UBE2O: variants seen among roughly 807,000 people sequenced by gnomAD.
UBE2O encodes the protein ubiquitin conjugating enzyme E2 O.
A neutral mutation model predicts 125.8 loss-of-function variants in UBE2O; 15 were observed. The ratio of observed to expected loss-of-function variants is 0.12; its 90% CI spans 0.08 to 0.18. The LOEUF (loss-of-function observed/expected upper bound fraction) is 0.18, where lower values mean the gene tolerates loss of function less well. Ranked by LOEUF, UBE2O falls within the 10% of genes least tolerant of loss-of-function variation. The pLI is 1.00. For synonymous variants in UBE2O, 708 were observed against 703.2 expected (o/e 1.01, Z -0.11); for missense variants, 1,280 against 1,723.6 (o/e 0.74, Z 4.56).
intron 1 of UBE2O, among the ~76,000 whole-genome samples, chr17:76,424,044 A>C (rs1333205366): frequency 6.6e-6 from 1 of 151,194 alleles, no homozygotes; most frequent in East Asian, 2.0e-4. Flanking sequence ...AGTAGCTGGG[A>C]CTACAGGCCC....
chr17:76,398,719 C>A lies in UBE2O; in HGVS notation c.1783+118G>T. 6.8e-7 allele frequency: 1 copy of A among 1,473,998 alleles called. No homozygotes were observed. Among genetic ancestry groups the A allele is most frequent in the East Asian group, 2.3e-5 (1 of 44,076 alleles). 91.3% of individuals were successfully genotyped at this position (1,473,998 alleles called of 1,614,324 possible). A position where few individuals can be genotyped will look rare whatever the true frequency, so the allele number is the denominator to read the frequency against. On this transcript the variant is annotated intron_variant, in intron 10 of 17. Transcript: ENST00000319380. This position sits in a 1 kb window ranked among gnomAD's most constrained non-coding sequence, Gnocchi z 5.4. ...GGTGAGACCCCTTCATGAGGGCAGT[C>A]CCCTTCTGGACCTCATTTTAGCTCT...
At position 76,391,193 on chromosome 17, in the gene UBE2O, G is replaced by A; in HGVS notation, c.3629C>T (p.Ser1210Leu). Residue 1210 changes from serine to leucine, a missense_variant, in exon 18 of 18, where the codon TCA (serine) becomes TTA (leucine). Coordinates refer to ENST00000319380, the MANE Select transcript of UBE2O (RefSeq NM_022066.4). This position sits in a 1 kb window ranked among gnomAD's most constrained non-coding sequence, Gnocchi z 8.4. Reference sequence around the variant, plus strand: ...CTGGTCTGTGTGGTCCCTGCTAGCTGAGGCCAGGCCCTGGGCACCGCCCTC... The same window carrying A: ...CTGGTCTGTGTGGTCCCTGCTAGCTAAGGCCAGGCCCTGGGCACCGCCCTC... ...DSEGGAQGLA[S>L]ASRDHTDQTS... The A allele has an allele frequency of 6.2e-7, 1 of 1,613,234 alleles. No homozygotes were observed. Among genetic ancestry groups the A allele is most frequent in the Non-Finnish European group, 8.5e-7 (1 of 1,179,424 alleles).
Position 76,402,254 on chromosome 17 carries a change from G to T in UBE2O, c.687-127C>A. 1 of 821,772 alleles carries T rather than the reference G, an allele frequency of 1.2e-6. No individual in the cohort carries two copies. Among genetic ancestry groups the T allele is most frequent in the South Asian group, 1.7e-5 (1 of 57,656 alleles). The allele number at this position is 821,772 out of a possible 1,614,324, so 50.9% of individuals were successfully genotyped here. On this transcript the variant is annotated intron_variant, in intron 4 of 17. Transcript: ENST00000319380. This position sits in a 1 kb window ranked among gnomAD's most constrained non-coding sequence, Gnocchi z 5.4. ...CAATTCGTCTTCTACCATCAACTCA[G>T]CCCGAGGTAGTACAAGAAACTCTCC...
intron 15 of UBE2O, among the ~76,000 whole-genome samples, chr17:76,394,880 A>AT (rs200705112): frequency 0.24 from 35,550 of 147,990 alleles, 4,476 homozygotes; most frequent in East Asian, 0.49. Flanking sequence ...TTTCAAAGTA[A>AT]TTTTTTTTTT....
Position 76,391,177 on chromosome 17 carries a change from G to A in UBE2O, c.3645C>T (p.His1215=). 6.2e-7 allele frequency: 1 copy of A among 1,613,456 alleles called. No homozygotes were observed. Among genetic ancestry groups the A allele is most frequent in the Non-Finnish European group, 8.5e-7 (1 of 1,179,626 alleles). The change falls in exon 18 of 18, where the codon CAC becomes CAT. Residue 1215 remains histidine, a synonymous_variant. Coordinates refer to ENST00000319380, the MANE Select transcript of UBE2O (RefSeq NM_022066.4). The surrounding 1 kb of genome is among the most constrained non-coding windows in gnomAD (Gnocchi z 8.4). The part of the protein sequence containing the change: ...AQGLASASRD[H]TDQTSETAPD... ...GTGCGGTCTCCGAAGTCTGGTCTGT[G>A]TGGTCCCTGCTAGCTGAGGCCAGGC...
intron 5 of UBE2O, 159 bp downstream of exon 5, chr17:76,401,894 AAGTTCTAATAC>A: frequency 2.3e-6 from 1 of 435,020 alleles, no homozygotes; most frequent in Non-Finnish European, 4.0e-6. Context: ...AAAAAAAAAA[AAGTTCTAATAC>A]TTTCTGCCTA....
chr17:76,394,653 T>C (rs1031025536), intron 15 of UBE2O, among the ~76,000 whole-genome samples: 1 of 152,090 alleles, frequency 6.6e-6, no homozygotes, highest in Non-Finnish European at 1.5e-5. Context: ...GTATAAATAA[T>C]GTAAAAGTAT....
At position 76,391,191 on chromosome 17, in the gene UBE2O, C is replaced by A. The variant is rs2143656996; in HGVS notation, c.3631G>T (p.Ala1211Ser). ...GTCTGGTCTGTGTGGTCCCTGCTAG[C>A]TGAGGCCAGGCCCTGGGCACCGCCC... ...SEGGAQGLAS[A>S]SRDHTDQTSE... Residue 1211 changes from alanine (A) to serine (S), a missense_variant, in exon 18 of 18, where the codon GCT (alanine) becomes TCT (serine). This residue lies in a region of UBE2O where 233 missense variants were observed against 279.0 expected (regional missense o/e 0.84). Coordinates refer to ENST00000319380, the MANE Select transcript of UBE2O (RefSeq NM_022066.4). This position sits in a 1 kb window ranked among gnomAD's most constrained non-coding sequence, Gnocchi z 8.4. The A allele has an allele frequency of 6.2e-7, 1 of 1,613,088 alleles. No individual in the cohort carries two copies. Among genetic ancestry groups the A allele is most frequent in the East Asian group, 2.2e-5 (1 of 44,858 alleles).
intron 1 of UBE2O, among the ~76,000 whole-genome samples, chr17:76,436,557 G>A (rs1056218373): frequency 3.3e-5 from 5 of 152,004 alleles, no homozygotes; most frequent in Non-Finnish European, 5.9e-5. Context: ...CTGAATCCCC[G>A]AGAGCCTAGA....
rs569353305 is a variant in UBE2O, at chr17:76,393,179, C to A, written c.2947-1066G>T. Among the ~76,000 whole-genome samples, 16 of 151,684 alleles carry A rather than the reference C, an allele frequency of 1.1e-4. No individual in the cohort carries two copies. In the South Asian group the frequency reaches 3.1e-3, roughly 30 times the overall value. ...AAGCTTAGATGGGAGGATCACTTGACTCCAGGAGGCTGAGGCTGCAGTGAG... is the reference window on the plus strand; with the variant it reads ...AAGCTTAGATGGGAGGATCACTTGAATCCAGGAGGCTGAGGCTGCAGTGAG... On this transcript the variant is annotated intron_variant, in intron 15 of 17. Coordinates refer to ENST00000319380, the MANE Select transcript of UBE2O (RefSeq NM_022066.4).
chr17:76,435,559 C>T (rs551014207), intron 1 of UBE2O, among the ~76,000 whole-genome samples: 19 of 152,128 alleles, frequency 1.2e-4, no homozygotes, highest in African/African-American at 3.6e-4. Context: ...GGGAAACAGA[C>T]GCAGAGCTAA....
chr17:76,440,709 G>C lies in UBE2O; in HGVS notation c.417+12016C>G, dbSNP rs116252102. Among the ~76,000 whole-genome samples, 560 of 152,292 alleles carry C rather than the reference G, an allele frequency of 3.7e-3. 5 individuals carry two copies. The highest frequency in any genetic ancestry group is 0.013 in the African/African-American group (531 of 41,560). On this transcript the variant is annotated intron_variant, in intron 1 of 17. Coordinates refer to ENST00000319380, the MANE Select transcript of UBE2O (RefSeq NM_022066.4). The stretch of plus-strand genomic sequence containing the variant: ...CCAGAGCAGAGGTGGGAAAACTACA[G>C]CCTGCAGGTCATGTCCAGCCTACTG...
In UBE2O at chr17:76,399,690, A is replaced by G; in HGVS notation, c.1387T>C (p.Phe463Leu). The G allele has an allele frequency of 6.2e-7, 1 of 1,614,094 alleles. No individual in the cohort carries two copies. Among genetic ancestry groups the G allele is most frequent in the Non-Finnish European group, 8.5e-7 (1 of 1,180,032 alleles). Residue 463 changes from phenylalanine (F) to leucine (L), a missense_variant, in exon 9 of 18, where the codon TTC becomes CTC. Around this residue, in one of 10 missense-constraint regions of UBE2O, gnomAD observed 141 missense variants for 141.3 expected, o/e 1.00. Coordinates refer to ENST00000319380, the MANE Select transcript of UBE2O (RefSeq NM_022066.4). This position sits in a 1 kb window ranked among gnomAD's most constrained non-coding sequence, Gnocchi z 6.9. ...PHEAGEQLPPFLLKEGRDDRL... is the reference protein window; with the variant it reads ...PHEAGEQLPPLLLKEGRDDRL... ...TCATCTCTGCCTTCTTTTAGCAGGA[A>G]TGGGGGCAGCTGCTCTCCTGCCTCG...
rs752624995 is a variant in UBE2O, at chr17:76,400,591, T to C, written c.895-41A>G. The C allele has an allele frequency of 7.0e-7, 1 of 1,432,270 alleles. No homozygotes were observed. Among genetic ancestry groups the C allele is most frequent in the East Asian group, 2.3e-5 (1 of 43,368 alleles). 88.7% of individuals were successfully genotyped at this position (1,432,270 alleles called of 1,614,324 possible). On this transcript the variant is annotated intron_variant, in intron 6 of 17. Transcript: ENST00000319380. The surrounding 1 kb of genome is among the most constrained non-coding windows in gnomAD (Gnocchi z 4.3). ...GGGACACGCCAGTCAGGGCAGGCTCTGACAGCACTCTCTTTAGCCAGCTGC... is the reference window on the plus strand; with the variant it reads ...GGGACACGCCAGTCAGGGCAGGCTCCGACAGCACTCTCTTTAGCCAGCTGC...
intron 1 of UBE2O, among the ~76,000 whole-genome samples, chr17:76,409,247 C>G (rs570756057): frequency 1.3e-5 from 2 of 152,162 alleles, no homozygotes; most frequent in Non-Finnish European, 2.9e-5. Context: ...GGATTACAGG[C>G]GTGAGCCACC....
chr17:76,437,045 A>T (rs2073007587), intron 1 of UBE2O, among the ~76,000 whole-genome samples: 1 of 151,888 alleles, frequency 6.6e-6, no homozygotes, highest in Admixed American at 6.6e-5. Context: ...GCTGCTCAGG[A>T]GGCTGAGGCA....
chr17:76,420,861 G>A (rs2072699691), intron 1 of UBE2O, among the ~76,000 whole-genome samples: 1 of 152,126 alleles, frequency 6.6e-6, no homozygotes, highest in African/African-American at 2.4e-5. Context: ...CAGTGAGTTG[G>A]CAGGGACGGC....
intron 1 of UBE2O, among the ~76,000 whole-genome samples, chr17:76,419,860 C>T (rs564536724): frequency 2.0e-5 from 3 of 152,318 alleles, no homozygotes; most frequent in South Asian, 2.1e-4. Flanking sequence ...GCTCTACCCA[C>T]GCGGAAACCT....
At chr17:76,408,472 T>G (rs2072461196) in intron 1 of UBE2O, among the ~76,000 whole-genome samples, 1 of 152,202 alleles carries the variant, frequency 6.6e-6, no homozygotes, top group African/African-American at 2.4e-5. Flanking sequence ...ACGCAGGCAG[T>G]TTGGCTCCAG....
Sources: allele counts gnomAD v4.1 joint callset (sites outside exome capture counted in the v4.1 genomes callset), GRCh38; gene constraint gnomAD v4.1.1; regional missense constraint gnomAD v4.1.1; non-coding constraint Gnocchi (gnomAD v3.1); transcripts MANE v1.5; gene names NCBI Gene and HGNC (gene_info 2026-07-23, HGNC 2026-07-21).